Variants in GALNT13 observed in about 807,000 individuals in gnomAD.
GALNT13 encodes the protein polypeptide N-acetylgalactosaminyltransferase 13.
GALNT13 carries 28 observed loss-of-function variants against 64.2 expected under a neutral mutation model. The ratio of observed to expected loss-of-function variants is 0.44; its 90% confidence interval spans 0.32 to 0.60. GALNT13 has a LOEUF of 0.60. GALNT13 is among the 20% of genes least tolerant of loss of function. The pLI, the probability that GALNT13 is intolerant of heterozygous loss-of-function variation, is 0.05. For missense variants in GALNT13, 577 were observed against 669.8 expected (o/e 0.86, Z 1.53); for synonymous variants, 214 against 224.6 (o/e 0.95, Z 0.42).
intron 2 of GALNT13, among the ~76,000 whole-genome samples, chr2:153,920,081 T>G (rs1689649884): frequency 6.7e-6 from 1 of 150,366 alleles, no homozygotes; most frequent in South Asian, 2.1e-4. Flanking sequence ...AAATAATACC[T>G]TCTATATTCC....
intron 9 of GALNT13, among the ~76,000 whole-genome samples, chr2:154,347,283 G>T (rs1017618172): frequency 6.6e-6 from 1 of 152,010 alleles, no homozygotes; most frequent in African/African-American, 2.4e-5. Context: ...TTAGTATATT[G>T]ATTATCAATT....
intron 3 of GALNT13, among the ~76,000 whole-genome samples, chr2:153,988,735 AAAT>A (rs1480291804): frequency 3.3e-5 from 5 of 151,926 alleles, no homozygotes; most frequent in Non-Finnish European, 7.4e-5. Flanking sequence ...CCCTTGGTGA[AAAT>A]TTAAGAGGAT....
chr2:153,842,615 A>G, the GALNT13 span, among the ~76,000 whole-genome samples: 1 of 152,108 alleles, frequency 6.6e-6, no homozygotes, highest in Admixed American at 6.6e-5. Flanking sequence ...AAGAAAAATT[A>G]AACTATCCAG....
At chr2:154,446,775 G>A in intron 12 of GALNT13, 1 of 1,476,936 alleles carries the variant, frequency 6.8e-7, no homozygotes. Flanking sequence ...GGTTTGTGTT[G>A]CAGATTTTAT....
At chr2:153,749,566 T>C in the GALNT13 span, among the ~76,000 whole-genome samples, 1 of 152,050 alleles carries the variant, frequency 6.6e-6, no homozygotes, top group Non-Finnish European at 1.5e-5. Flanking sequence ...TTTGGTTAAG[T>C]TCATTGCTAG....
At chr2:154,298,903 T>A (rs1267580068) in intron 8 of GALNT13, among the ~76,000 whole-genome samples, 1 of 137,512 alleles carries the variant, frequency 7.3e-6, no homozygotes, top group Admixed American at 8.0e-5. Flanking sequence ...CATTATATAT[T>A]CATTAGAATC....
intron 8 of GALNT13, among the ~76,000 whole-genome samples, chr2:154,277,694 A>G (rs1467119943): frequency 6.6e-6 from 1 of 152,182 alleles, no homozygotes; most frequent in Non-Finnish European, 1.5e-5. Flanking sequence ...CGTAATTACT[A>G]CTGAGAAATT....
intron 2 of GALNT13, among the ~76,000 whole-genome samples, chr2:153,924,816 G>A (rs914349079): frequency 1.3e-5 from 2 of 152,052 alleles, no homozygotes; most frequent in African/African-American, 2.4e-5. Flanking sequence ...GATCCGTGAC[G>A]TTGAGCTTTT....
chr2:153,430,551 A>AGAGG, the GALNT13 span, among the ~76,000 whole-genome samples: 1 of 148,604 alleles, frequency 6.7e-6, no homozygotes, highest in Non-Finnish European at 1.5e-5. Flanking sequence ...AGAGAGAGAG[A>AGAGG]GAGACTAAGT....
chr2:154,406,912 C>T (rs75186136), intron 10 of GALNT13, among the ~76,000 whole-genome samples: 4,263 of 152,246 alleles, frequency 0.028, 81 homozygotes, highest in Middle Eastern at 0.051. Flanking sequence ...CATACTAAAA[C>T]ATTAAAGTGT....
the GALNT13 span, among the ~76,000 whole-genome samples, chr2:153,695,029 G>A: frequency 6.6e-6 from 1 of 152,146 alleles, no homozygotes; most frequent in South Asian, 2.1e-4. Context: ...TACATGGAAT[G>A]AAGTCCAAAG....
chr2:154,145,119 T>TACACAC (rs1553484465), intron 4 of GALNT13, among the ~76,000 whole-genome samples: 53 of 137,270 alleles, frequency 3.9e-4, no homozygotes, highest in South Asian at 3.1e-3. Flanking sequence ...TATATATATA[T>TACACAC]ACACACACTA....
At chr2:153,489,909 A>G in the GALNT13 span, among the ~76,000 whole-genome samples, 1 of 152,068 alleles carries the variant, frequency 6.6e-6, no homozygotes, top group South Asian at 2.1e-4. Context: ...ATTAGAGCCC[A>G]GGAGTTTGAA....
intron 3 of GALNT13, among the ~76,000 whole-genome samples, chr2:154,084,191 G>A (rs754427128): frequency 7.9e-5 from 12 of 151,674 alleles, no homozygotes; most frequent in Non-Finnish European, 1.0e-4. Context: ...TATTGTAAAA[G>A]GTTAAAGAAC....
upstream of GALNT13, among the ~76,000 whole-genome samples, chr2:153,870,872 A>G (rs1161420347): frequency 6.6e-6 from 1 of 151,836 alleles, no homozygotes; most frequent in African/African-American, 2.4e-5. Context: ...AGAAGCAAGG[A>G]CCCCTGTCAG....
At chr2:154,105,679 A>T (rs1471624544) in intron 3 of GALNT13, among the ~76,000 whole-genome samples, 1 of 152,184 alleles carries the variant, frequency 6.6e-6, no homozygotes, top group Non-Finnish European at 1.5e-5. Flanking sequence ...CAAAAATACA[A>T]GTTTGTTTGG....
chr2:153,697,373 A>T, the GALNT13 span, among the ~76,000 whole-genome samples: 14 of 152,178 alleles, frequency 9.2e-5, no homozygotes, highest in Non-Finnish European at 1.9e-4. Context: ...GCCAGATAAG[A>T]GAGAGATAAG....
chr2:154,256,272 G>A (rs1260500053), intron 7 of GALNT13, among the ~76,000 whole-genome samples: 1 of 151,936 alleles, frequency 6.6e-6, no homozygotes, highest in Non-Finnish European at 1.5e-5. Flanking sequence ...AAGCGAGAGA[G>A]ATAATTGGAA....
chr2:153,707,850 G>T, the GALNT13 span, among the ~76,000 whole-genome samples: 1 of 152,272 alleles, frequency 6.6e-6, no homozygotes, highest in Admixed American at 6.5e-5. Context: ...TCACACTGAG[G>T]TTATTGATCT....
Sources: allele counts gnomAD v4.1 joint callset (sites outside exome capture counted in the v4.1 genomes callset), GRCh38; gene constraint gnomAD v4.1.1; transcripts MANE v1.5; gene names NCBI Gene and HGNC (gene_info 2026-07-23, HGNC 2026-07-21).